Variants in HADHB observed in about 807,000 individuals in gnomAD.
HADHB encodes trifunctional enzyme subunit beta, mitochondrial.
HADHB carries 50 observed loss-of-function variants against 61.9 expected under a neutral mutation model. The observed-to-expected ratio is 0.81, with a 90% CI of 0.64 to 1.02. HADHB has a LOEUF of 1.02. HADHB is among the 50% of genes least tolerant of loss of function. The pLI is 0.00. For missense variants in HADHB, 504 were observed against 586.5 expected (o/e 0.86, Z 1.45); for synonymous variants, 191 against 201.6 (o/e 0.95, Z 0.45).
intron 5 of HADHB, among the ~76,000 whole-genome samples, chr2:26,270,649 T>C (rs762346762): frequency 7.9e-5 from 12 of 152,150 alleles, no homozygotes; most frequent in Non-Finnish European, 1.6e-4. Context: ...TCTAATTGTA[T>C]AATCATTATT....
intron 1 of HADHB, among the ~76,000 whole-genome samples, chr2:26,249,983 C>T (rs1170723771): frequency 6.6e-6 from 1 of 152,046 alleles, no homozygotes; most frequent in Non-Finnish European, 1.5e-5. Flanking sequence ...CTACAGATTC[C>T]ATGATAGATT....
intron 14 of HADHB, 82 bp from the exon 15 acceptor site, chr2:26,285,325 C>A: frequency 1.6e-6 from 2 of 1,215,308 alleles, no homozygotes; most frequent in Admixed American, 1.7e-5. Flanking sequence ...CTCTATCTCT[C>A]TTACTTCGTA....
chr2:26,259,637 G>C (rs1463810692), intron 3 of HADHB, among the ~76,000 whole-genome samples: 1 of 152,062 alleles, frequency 6.6e-6, no homozygotes, highest in African/African-American at 2.4e-5. Context: ...CCACCACTCC[G>C]ACTGATCTCC....
At chr2:26,268,521 G>A (rs959511541) in intron 4 of HADHB, among the ~76,000 whole-genome samples, 92 of 152,164 alleles carry the variant, frequency 6.0e-4, no homozygotes, top group African/African-American at 2.1e-3. Context: ...AAGTCATGTT[G>A]ATATCATGTG....
At chr2:26,281,505 G>C (rs1672785985) in intron 10 of HADHB, among the ~76,000 whole-genome samples, 1 of 152,172 alleles carries the variant, frequency 6.6e-6, no homozygotes, top group South Asian at 2.1e-4. Context: ...AACCGAATTG[G>C]ATGATAGAGC....
intron 10 of HADHB, among the ~76,000 whole-genome samples, chr2:26,281,949 CAGT>C (rs1446721893): frequency 1.3e-5 from 2 of 151,450 alleles, no homozygotes; most frequent in African/African-American, 4.9e-5. Context: ...GACGTTTTTT[CAGT>C]AGTACTTCTT....
In HADHB at chr2:26,282,719, T is replaced by C. The variant is rs1574667021; in HGVS notation, c.934-126T>C. 7 of 721,110 alleles carry C rather than the reference T, an allele frequency of 9.7e-6. No individual in the cohort carries two copies. The East Asian group carries it at 1.9e-4, about 19-fold the overall frequency. The allele number at this position is 721,110 out of a possible 1,614,324, so 44.7% of individuals were successfully genotyped here. On this transcript the variant is annotated intron_variant, in intron 10 of 15. Coordinates refer to ENST00000317799, the MANE Select transcript of HADHB (RefSeq NM_000183.3). ...AATGATGGATACAGTGAAGTAAGTGTTGTTATATAGAATCACTGTATAAGT... is the reference window on the plus strand; with the variant it reads ...AATGATGGATACAGTGAAGTAAGTGCTGTTATATAGAATCACTGTATAAGT...
At chr2:26,282,620 G>A (rs544000953) in intron 10 of HADHB, among the ~76,000 whole-genome samples, 2 of 152,116 alleles carry the variant, frequency 1.3e-5, no homozygotes, top group Admixed American at 6.6e-5. Flanking sequence ...TGATTATTAT[G>A]ATACTTTTGA....
intron 9 of HADHB, among the ~76,000 whole-genome samples, chr2:26,279,648 C>T (rs1672703189): frequency 6.7e-6 from 1 of 150,158 alleles, no homozygotes; most frequent in African/African-American, 2.4e-5. Context: ...AAAAGAAAAA[C>T]AGAGTCTCCT....
intron 8 of HADHB, 105 bp from the exon 9 acceptor site, chr2:26,279,030 G>A: frequency 2.0e-6 from 2 of 1,018,902 alleles, no homozygotes; most frequent in East Asian, 2.4e-5. Flanking sequence ...TTGATTAATG[G>A]TAGACAAATA....
intron 6 of HADHB, 85 bp downstream of exon 6, chr2:26,273,835 C>T: frequency 1.3e-6 from 1 of 768,482 alleles, no homozygotes; most frequent in Admixed American, 1.9e-5. Flanking sequence ...TTTACAAAAG[C>T]CTTTAAAATC....
At chr2:26,245,872 G>GA (rs1367012864) in intron 1 of HADHB, among the ~76,000 whole-genome samples, 2 of 152,078 alleles carry the variant, frequency 1.3e-5, no homozygotes, top group Admixed American at 6.6e-5. Context: ...TGAAGTTTGG[G>GA]AAGCTCAGAA....
intron 3 of HADHB, among the ~76,000 whole-genome samples, chr2:26,255,512 AAAG>A (rs1475974860): frequency 2.0e-5 from 3 of 150,750 alleles, no homozygotes; most frequent in African/African-American, 7.4e-5. Context: ...AAAAAAAAAA[AAAG>A]AAAGAAAGAA....
At chr2:26,287,206 A>G (rs1190834222) in intron 15 of HADHB, among the ~76,000 whole-genome samples, 1 of 152,208 alleles carries the variant, frequency 6.6e-6, no homozygotes, top group Non-Finnish European at 1.5e-5. Flanking sequence ...CTGTCTCAAA[A>G]ATAAAGTAAA....
At chr2:26,279,461 G>C in intron 9 of HADHB, 146 bp downstream of exon 9, 1 of 690,882 alleles carries the variant, frequency 1.4e-6, no homozygotes, top group Non-Finnish European at 2.6e-6. Context: ...TGCAAATTTT[G>C]ATTTATGTTG....
intron 4 of HADHB, among the ~76,000 whole-genome samples, chr2:26,265,569 C>G (rs1672041083): frequency 1.3e-5 from 2 of 151,946 alleles, no homozygotes; most frequent in South Asian, 4.2e-4. Flanking sequence ...GTACTCCAGC[C>G]TGGGTGACAG....
chr2:26,264,605 A>G (rs1366085685), intron 4 of HADHB, among the ~76,000 whole-genome samples: 5 of 150,254 alleles, frequency 3.3e-5, no homozygotes, highest in African/African-American at 7.3e-5. Flanking sequence ...ATAGTGTGCA[A>G]TGACTTATGA....
intron 1 of HADHB, among the ~76,000 whole-genome samples, chr2:26,251,038 C>T (rs1419451640): frequency 8.0e-6 from 1 of 125,200 alleles, no homozygotes; most frequent in Non-Finnish European, 1.9e-5. Context: ...TTCTTTCTCT[C>T]AGCTAACTCA....
chr2:26,253,419 C>A (rs1452577189), intron 1 of HADHB, among the ~76,000 whole-genome samples: 2 of 152,116 alleles, frequency 1.3e-5, no homozygotes. Flanking sequence ...TTCCACAAAG[C>A]CTTCTACATA....
Sources: gnomAD v4.1 joint callset for allele counts (sites outside exome capture counted in the v4.1 genomes callset) on GRCh38, gnomAD v4.1.1 for gene constraint, MANE v1.5 for transcripts, NCBI Gene and HGNC (gene_info 2026-07-23, HGNC 2026-07-21) for gene names.